TIAM1: variants seen among roughly 807,000 people sequenced by gnomAD.
TIAM1 encodes rho guanine nucleotide exchange factor TIAM1.
In TIAM1, 65 loss-of-function variants were observed where a neutral mutation model predicts 163.5. The ratio of observed to expected loss-of-function variants is 0.40; its 90% CI spans 0.33 to 0.49. The LOEUF (loss-of-function observed/expected upper bound fraction) is 0.49. TIAM1 is among the 20% of genes least tolerant of loss of function. The pLI, the probability that TIAM1 is intolerant of heterozygous loss-of-function variation, is 0.77. For missense variants in TIAM1, 1,789 were observed against 2,044.7 expected, an observed-to-expected ratio of 0.87 and a Z score of 2.41; for synonymous variants, 833 against 810.1, an observed-to-expected ratio of 1.03 and a Z score of -0.48.
intron 1 of TIAM1, among the ~76,000 whole-genome samples, chr21:31,481,005 T>G (rs2147395223): frequency 6.6e-6 from 1 of 152,292 alleles, no homozygotes; most frequent in African/African-American, 2.4e-5. Context: ...ATCCACCACT[T>G]CAGGCTCCCA....
chr21:31,405,519 C>T (rs1388956448), intron 2 of TIAM1, among the ~76,000 whole-genome samples: 1 of 152,114 alleles, frequency 6.6e-6, no homozygotes, highest in Non-Finnish European at 1.5e-5. Context: ...TGAGACTGGG[C>T]AATGTACAAA....
At chr21:31,296,273 T>C (rs2074261288) in intron 2 of TIAM1, among the ~76,000 whole-genome samples, 1 of 152,174 alleles carries the variant, frequency 6.6e-6, no homozygotes, top group African/African-American at 2.4e-5. Context: ...AATCCTGGTA[T>C]AGAAGAGAAT....
At chr21:31,216,041 A>C (rs2087190086) in intron 9 of TIAM1, among the ~76,000 whole-genome samples, 1 of 152,052 alleles carries the variant, frequency 6.6e-6, no homozygotes, top group African/African-American at 2.4e-5. Context: ...CGTGGTGGTG[A>C]GTGCCTGTAA....
chr21:31,508,387 CTTTT>C (rs200164021), intron 1 of TIAM1, among the ~76,000 whole-genome samples: 5 of 126,540 alleles, frequency 4.0e-5, no homozygotes, highest in Non-Finnish European at 5.1e-5. Context: ...ATTGAAATTT[CTTTT>C]TTTTTTTTTT....
At chr21:31,516,887 T>C (rs1399406288) in intron 1 of TIAM1, among the ~76,000 whole-genome samples, 2 of 150,876 alleles carry the variant, frequency 1.3e-5, no homozygotes, top group African/African-American at 4.9e-5. Context: ...CCATCTCTAC[T>C]AAAAATACAA....
chr21:31,211,594 T>A (rs1013835733), intron 10 of TIAM1, among the ~76,000 whole-genome samples: 5 of 152,202 alleles, frequency 3.3e-5, no homozygotes, highest in Non-Finnish European at 7.4e-5. Flanking sequence ...GGAAACGTTT[T>A]CGTAAAAGCC....
intron 1 of TIAM1, among the ~76,000 whole-genome samples, chr21:31,493,183 AC>A (rs1487082457): frequency 6.6e-6 from 1 of 152,242 alleles, no homozygotes; most frequent in Non-Finnish European, 1.5e-5. Flanking sequence ...TATTTCAGAT[AC>A]AGCCCTAGTG....
intron 2 of TIAM1, among the ~76,000 whole-genome samples, chr21:31,361,283 TC>T: frequency 6.6e-6 from 1 of 152,246 alleles, no homozygotes; most frequent in East Asian, 1.9e-4. Context: ...GATATACAGT[TC>T]AAAAACAAGC....
intron 4 of TIAM1, among the ~76,000 whole-genome samples, chr21:31,257,161 C>T (rs2072160731): frequency 6.6e-6 from 1 of 152,224 alleles, no homozygotes; most frequent in Non-Finnish European, 1.5e-5. Flanking sequence ...TTATGAAATA[C>T]TAATAATTGC....
chr21:31,452,557 C>A, intron 2 of TIAM1: 1 of 601,808 alleles, frequency 1.7e-6, no homozygotes, highest in East Asian at 3.4e-5. Context: ...GGGACACCTT[C>A]GTCACACAAA....
chr21:31,276,956 T>C (rs1479858755), intron 2 of TIAM1, 48 bp from the exon 3 acceptor site: 1 of 152,152 alleles, frequency 6.6e-6, no homozygotes, highest in Non-Finnish European at 1.5e-5. Context: ...AAGAAAAGGA[T>C]GAGGCAGAAG....
At chr21:31,294,524 C>T (rs763378080) in intron 2 of TIAM1, among the ~76,000 whole-genome samples, 15 of 152,264 alleles carry the variant, frequency 9.9e-5, no homozygotes, top group Non-Finnish European at 7.4e-5. Context: ...CTGTTAACTT[C>T]GGGAAAATCA....
intron 12 of TIAM1, 53 bp downstream of exon 12, chr21:31,202,855 A>G: frequency 2.0e-6 from 3 of 1,502,082 alleles, no homozygotes; most frequent in Non-Finnish European, 2.8e-6. Flanking sequence ...GAACACTCAT[A>G]ATTTGAAGAT....
At chr21:31,429,262 G>A (rs755107815) in intron 2 of TIAM1, among the ~76,000 whole-genome samples, 5 of 152,082 alleles carry the variant, frequency 3.3e-5, no homozygotes, top group Admixed American at 6.6e-5. Context: ...TTGGCCTCCC[G>A]AAGTGTTGGG....
At chr21:31,272,720 G>A (rs1389129634) in intron 3 of TIAM1, among the ~76,000 whole-genome samples, 1 of 152,048 alleles carries the variant, frequency 6.6e-6, no homozygotes, top group African/African-American at 2.4e-5. Flanking sequence ...TTAAAGTAAG[G>A]GTTCTTCCAA....
At chr21:31,392,717 G>A (rs1205755369) in intron 2 of TIAM1, among the ~76,000 whole-genome samples, 1 of 151,980 alleles carries the variant, frequency 6.6e-6, no homozygotes, top group Non-Finnish European at 1.5e-5. Context: ...CAAGGCAAGG[G>A]CAGATCCCTT....
intron 1 of TIAM1, among the ~76,000 whole-genome samples, chr21:31,485,537 T>C (rs916164335): frequency 1.3e-5 from 2 of 152,068 alleles, no homozygotes; most frequent in African/African-American, 4.8e-5. Context: ...GGATAACAGA[T>C]CAAAATTCAG....
intron 2 of TIAM1, among the ~76,000 whole-genome samples, chr21:31,300,088 G>C (rs1225452474): frequency 2.6e-5 from 4 of 152,130 alleles, no homozygotes; most frequent in African/African-American, 9.7e-5. Flanking sequence ...CTCATGAATG[G>C]GTTAGTACCA....
chr21:31,365,538 G>GCCA (rs1602104380), intron 2 of TIAM1, among the ~76,000 whole-genome samples: 1 of 151,584 alleles, frequency 6.6e-6, no homozygotes, highest in East Asian at 2.0e-4. Flanking sequence ...ACAGGCACCC[G>GCCA]CCACCACGCC....
Sources: allele counts gnomAD v4.1 joint callset (sites outside exome capture counted in the v4.1 genomes callset), GRCh38; gene constraint gnomAD v4.1.1; transcripts MANE v1.5; gene names NCBI Gene and HGNC (gene_info 2026-07-23, HGNC 2026-07-21).